Variants in PKIB observed in about 807,000 individuals in gnomAD.
The protein encoded by PKIB is PKI-beta.
In PKIB, 2 loss-of-function variants were observed where a neutral mutation model predicts 4.5. The ratio of observed to expected loss-of-function variants is 0.44; its 90% CI spans 0.18 to 1.39. PKIB has a LOEUF of 1.39. PKIB is among the 40% of genes most tolerant of loss of function. PKIB has a pLI of 0.27. For missense variants in PKIB, 94 were observed against 92.6 expected, an observed-to-expected ratio of 1.02 and a Z score of -0.06; for synonymous variants, 38 against 36.0, an observed-to-expected ratio of 1.06 and a Z score of -0.20.
chr6:122,674,568 C>T (rs1011165348), intron 2 of PKIB, among the ~76,000 whole-genome samples: 1 of 152,048 alleles, frequency 6.6e-6, no homozygotes, highest in African/African-American at 2.4e-5. Flanking sequence ...CAAGATGGTT[C>T]GATTCCTTTG....
intron 1 of PKIB, among the ~76,000 whole-genome samples, chr6:122,474,646 T>C (rs1775406280): frequency 6.6e-6 from 1 of 152,162 alleles, no homozygotes; most frequent in African/African-American, 2.4e-5. Context: ...TTCAAATAAA[T>C]GGTATGTAAA....
intron 3 of PKIB, among the ~76,000 whole-genome samples, chr6:122,595,230 G>A (rs930615789): frequency 1.3e-5 from 2 of 152,164 alleles, no homozygotes; most frequent in Admixed American, 6.5e-5. Flanking sequence ...CTGATTCAGA[G>A]CATACATGGC....
At chr6:122,519,763 A>C (rs746110819) in intron 2 of PKIB, among the ~76,000 whole-genome samples, 1 of 152,190 alleles carries the variant, frequency 6.6e-6, no homozygotes, top group African/African-American at 2.4e-5. Flanking sequence ...ACTCACATTC[A>C]TGGAGTGACA....
At chr6:122,608,592 T>C (rs1274300674), upstream of PKIB, among the ~76,000 whole-genome samples, 1 of 152,266 alleles carries the variant, frequency 6.6e-6, no homozygotes, top group Non-Finnish European at 1.5e-5. Context: ...TTATAAGTCA[T>C]TATTTGGTCT....
Position 122,510,014 on chromosome 6 carries a change from TA to T in PKIB, c.-248+32076del, listed in dbSNP as rs375764056. 4.7e-3 allele frequency among the ~76,000 whole-genome samples: 721 copies of T among 152,146 alleles called. 5 individuals are homozygous for T. Among genetic ancestry groups the T allele is most frequent in the African/African-American group, 0.016 (679 of 41,508 alleles). ...CTCAATATTGAGAAGAGATTAGATA[TA>T]GTATAAGTAGGGATCTTTAAGTTGG... On this transcript the variant is annotated intron_variant, in intron 2 of 6. Transcript: ENST00000392491.
chr6:122,670,525 G>A (rs1777424051), intron 2 of PKIB, among the ~76,000 whole-genome samples: 1 of 146,848 alleles, frequency 6.8e-6, no homozygotes, highest in Non-Finnish European at 1.5e-5. Flanking sequence ...TGTTGTTGTT[G>A]TTAAACCTCA....
At chr6:122,559,152 C>T (rs2021407) in intron 2 of PKIB, among the ~76,000 whole-genome samples, 20,789 of 151,784 alleles carry the variant, frequency 0.14, 1,504 homozygotes, top group East Asian at 0.21. Flanking sequence ...GAATCAACAA[C>T]GAACTCAAAC....
intron 2 of PKIB, among the ~76,000 whole-genome samples, chr6:122,646,330 C>T (rs184065330): frequency 5.6e-4 from 85 of 152,260 alleles, no homozygotes; most frequent in African/African-American, 2.0e-3. Flanking sequence ...GAATGCCCTA[C>T]ATCAAACCAG....
chr6:122,575,182 A>C (rs1462393950), intron 2 of PKIB, among the ~76,000 whole-genome samples: 147 of 152,196 alleles, frequency 9.7e-4, no homozygotes, highest in Non-Finnish European at 2.5e-4. Flanking sequence ...GGAAATGTAA[A>C]TTAAAACCAC....
intron 2 of PKIB, among the ~76,000 whole-genome samples, chr6:122,651,300 C>T (rs995746336): frequency 2.0e-5 from 3 of 152,146 alleles, no homozygotes; most frequent in South Asian, 2.1e-4. Context: ...TCATGCAATT[C>T]GTTTGGTATG....
intron 3 of PKIB, among the ~76,000 whole-genome samples, chr6:122,687,156 C>A (rs1334350170): frequency 1.3e-5 from 2 of 152,148 alleles, no homozygotes; most frequent in Non-Finnish European, 2.9e-5. Context: ...TGGCAAGAGA[C>A]AGGGGTCTAG....
intron 2 of PKIB, among the ~76,000 whole-genome samples, chr6:122,654,462 A>C (rs1174353365): frequency 2.6e-5 from 4 of 152,150 alleles, no homozygotes; most frequent in African/African-American, 9.7e-5. Context: ...CTGTGACTCC[A>C]TATCTTACAT....
intron 3 of PKIB, among the ~76,000 whole-genome samples, chr6:122,602,692 A>G (rs929760784): frequency 1.3e-5 from 2 of 152,146 alleles, no homozygotes; most frequent in African/African-American, 2.4e-5. Flanking sequence ...AGGCAGGCGG[A>G]TTGTTTGAGG....
At chr6:122,566,695 ATCT>A (rs1463390422) in intron 2 of PKIB, among the ~76,000 whole-genome samples, 1 of 150,746 alleles carries the variant, frequency 6.6e-6, no homozygotes, top group Non-Finnish European at 1.5e-5. Context: ...CTGCACAAAC[ATCT>A]TCTCATATAG....
At chr6:122,535,744 C>CT (rs1777387807) in intron 2 of PKIB, among the ~76,000 whole-genome samples, 2 of 152,128 alleles carry the variant, frequency 1.3e-5, no homozygotes, top group Non-Finnish European at 2.9e-5. Context: ...TAGTATGACT[C>CT]TGAGAAAGTT....
chr6:122,658,295 T>A (rs979157428), intron 2 of PKIB, among the ~76,000 whole-genome samples: 42 of 152,166 alleles, frequency 2.8e-4, no homozygotes, highest in Non-Finnish European at 8.8e-5. Flanking sequence ...AGTTACTGTA[T>A]AATTATAATA....
At chr6:122,708,310 T>G (rs1280784700) in intron 3 of PKIB, among the ~76,000 whole-genome samples, 1 of 152,196 alleles carries the variant, frequency 6.6e-6, no homozygotes, top group East Asian at 1.9e-4. Context: ...CTTTTTCCTA[T>G]GCCATATTAT....
intron 2 of PKIB, among the ~76,000 whole-genome samples, chr6:122,634,551 C>T (rs996231631): frequency 6.6e-6 from 1 of 151,964 alleles, no homozygotes; most frequent in African/African-American, 2.4e-5. Context: ...TTCTTCTCCC[C>T]CTCTCAGATT....
At position 122,705,282 on chromosome 6, in the gene PKIB, T is replaced by G. The variant is rs989428141; in HGVS notation, c.-8-12505T>G. Among the ~76,000 whole-genome samples the G allele has an allele frequency of 5.9e-5, 9 of 151,904 alleles. 1 individual carries two copies. The highest frequency in any genetic ancestry group is 3.3e-4 in the Admixed American group (5 of 15,222). ...TTCAGAAATCAATGGACAATAAGAG[T>G]GTATTTGTCTATTTCTAGAGTGTCT... On this transcript the variant is annotated intron_variant, in intron 3 of 4. Transcript: ENST00000368452.
Sources: allele counts gnomAD v4.1 joint callset (sites outside exome capture counted in the v4.1 genomes callset), GRCh38; gene constraint gnomAD v4.1.1; transcripts MANE v1.5; gene names NCBI Gene and HGNC (gene_info 2026-07-23, HGNC 2026-07-21).